The following ZFYVE9 variants were observed in gnomAD, a reference collection of about 807,000 sequenced individuals.
ZFYVE9 encodes the protein zinc finger FYVE domain-containing protein 9.
Under a neutral mutation model 126.7 loss-of-function variants are expected in ZFYVE9, and 43 were observed. That is an observed-to-expected ratio of 0.34 (90% CI 0.27 to 0.44). The LOEUF (loss-of-function observed/expected upper bound fraction) is 0.44, where lower values mean the gene tolerates loss of function less well. Among genes scored for constraint, ZFYVE9 ranks in the 20% least tolerant of loss-of-function variants. ZFYVE9 has a pLI of 1.00. For synonymous variants in ZFYVE9, 521 were observed against 597.4 expected (o/e 0.87, Z 1.87); for missense variants, 1,476 against 1,697.0 (o/e 0.87, Z 2.29).
chr1:52,147,586 T>C (rs1644316607), intron 1 of ZFYVE9, among the ~76,000 whole-genome samples: 1 of 152,250 alleles, frequency 6.6e-6, no homozygotes, highest in South Asian at 2.1e-4. Flanking sequence ...TGCTGAATAA[T>C]ATTCCATTGT....
At chr1:52,240,401 A>G (rs753455028) in intron 4 of ZFYVE9, among the ~76,000 whole-genome samples, 45 of 152,172 alleles carry the variant, frequency 3.0e-4, no homozygotes, top group African/African-American at 4.8e-5. Context: ...AAAGATTAAT[A>G]ACTTTTATTG....
chr1:52,261,910 TTAGTATGAAG>T (rs1262642147), intron 4 of ZFYVE9, among the ~76,000 whole-genome samples: 1 of 152,118 alleles, frequency 6.6e-6, no homozygotes, highest in African/African-American at 2.4e-5. Context: ...AATATGTAAT[TTAGTATGAAG>T]TAGTATTACA....
chr1:52,188,046 A>G lies in ZFYVE9; in HGVS notation c.-142-28323A>G, dbSNP rs1644780839. 2.0e-5 allele frequency among the ~76,000 whole-genome samples: 3 copies of G among 152,362 alleles called. 1 individual carries two copies. The South Asian group carries it at 6.2e-4, about 32-fold the overall frequency. On this transcript the variant is annotated intron_variant, in intron 1 of 18. Coordinates refer to ENST00000287727, the MANE Select transcript of ZFYVE9 (RefSeq NM_004799.4). ...GCATGCATATGTTCATTGCAGCACT[A>G]TTCACAATAGCAAAGACATGGAATC...
chr1:52,256,658 A>G (rs1256324512), intron 4 of ZFYVE9, among the ~76,000 whole-genome samples: 2 of 150,230 alleles, frequency 1.3e-5, no homozygotes, highest in Non-Finnish European at 3.0e-5. Context: ...CCTTTCTGTA[A>G]TGGACACTTA....
At chr1:52,195,225 A>AT (rs1644849582) in intron 1 of ZFYVE9, among the ~76,000 whole-genome samples, 1 of 152,174 alleles carries the variant, frequency 6.6e-6, no homozygotes, top group East Asian at 1.9e-4. Flanking sequence ...TCATGGAAGC[A>AT]TTTTTTACAC....
intron 13 of ZFYVE9, among the ~76,000 whole-genome samples, chr1:52,309,759 A>G (rs1185953260): frequency 6.6e-6 from 1 of 152,184 alleles, no homozygotes; most frequent in African/African-American, 2.4e-5. Context: ...TGACTTAATG[A>G]AAGCAGGATT....
intron 11 of ZFYVE9, among the ~76,000 whole-genome samples, chr1:52,295,379 A>G (rs1645963445): frequency 6.7e-6 from 1 of 149,708 alleles, no homozygotes; most frequent in South Asian, 2.1e-4. Flanking sequence ...TTTGTTTTGG[A>G]GACAGGGTCT....
rs370893669 is a variant in ZFYVE9 at position 52,173,450 on chromosome 1, G to T, written c.-143+31047G>T. On this transcript the variant is annotated intron_variant, in intron 1 of 18. Coordinates refer to ENST00000287727, the MANE Select transcript of ZFYVE9 (RefSeq NM_004799.4). ...TGCATCAATGTTCATCAAGGATATTGGTCTCTAATTCTCTTTTTTGGTTGT... is the reference window on the plus strand; with the variant it reads ...TGCATCAATGTTCATCAAGGATATTTGTCTCTAATTCTCTTTTTTGGTTGT... Among the ~76,000 whole-genome samples, 266 of 152,244 alleles carry T rather than the reference G, an allele frequency of 1.7e-3. 5 individuals carry two copies. The South Asian group carries it at 0.031, about 18-fold the overall frequency.
At chr1:52,240,306 G>A (rs879077897) in intron 4 of ZFYVE9, among the ~76,000 whole-genome samples, 1 of 152,110 alleles carries the variant, frequency 6.6e-6, no homozygotes, top group Admixed American at 6.5e-5. Context: ...ATGGTGTCAG[G>A]TCTAGAATAA....
chr1:52,214,597 T>A (rs1645055519), intron 1 of ZFYVE9, among the ~76,000 whole-genome samples: 1 of 152,104 alleles, frequency 6.6e-6, no homozygotes, highest in Admixed American at 6.6e-5. Flanking sequence ...GGAATATAAT[T>A]CCAATAGAAA....
At chr1:52,345,026 A>G in intron 18 of ZFYVE9, 82 bp downstream of exon 18, 1 of 1,491,894 alleles carries the variant, frequency 6.7e-7, no homozygotes, top group Non-Finnish European at 9.3e-7. Flanking sequence ...GCATCACCCC[A>G]GAGAGCTTAA....
chr1:52,298,321 G>A (rs1216536387), intron 12 of ZFYVE9, among the ~76,000 whole-genome samples: 1 of 152,096 alleles, frequency 6.6e-6, no homozygotes, highest in Admixed American at 6.6e-5. Flanking sequence ...GTTGATTTTT[G>A]TATATGGGGA....
At chr1:52,270,980 C>T (rs1334848861) in intron 7 of ZFYVE9, among the ~76,000 whole-genome samples, 1 of 151,988 alleles carries the variant, frequency 6.6e-6, no homozygotes, top group Non-Finnish European at 1.5e-5. Flanking sequence ...GCCTGAACCC[C>T]GAGTTTGAGA....
chr1:52,173,582 A>G (rs1427299322), intron 1 of ZFYVE9, among the ~76,000 whole-genome samples: 3 of 152,184 alleles, frequency 2.0e-5, no homozygotes, highest in Non-Finnish European at 4.4e-5. Flanking sequence ...GAATGGTACC[A>G]GTTCCTCCTT....
intron 1 of ZFYVE9, among the ~76,000 whole-genome samples, chr1:52,196,496 G>T (rs1231466453): frequency 6.6e-6 from 1 of 152,052 alleles, no homozygotes; most frequent in East Asian, 1.9e-4. Context: ...AATTAGCCAG[G>T]TGTGGTGGTG....
chr1:52,271,999 C>T (rs1334918304), intron 7 of ZFYVE9, among the ~76,000 whole-genome samples: 1 of 152,072 alleles, frequency 6.6e-6, no homozygotes, highest in African/African-American at 2.4e-5. Context: ...ACCACCACAC[C>T]TGGCAAATTT....
chr1:52,155,234 CTTTTTTTTTTTT>C (rs202048189), intron 1 of ZFYVE9, among the ~76,000 whole-genome samples: 16 of 129,092 alleles, frequency 1.2e-4, no homozygotes, highest in Non-Finnish European at 9.9e-5. Flanking sequence ...TCTTTTTTTT[CTTTTTTTTTTTT>C]TTTTTTTGAG....
chr1:52,196,529 C>T (rs954056500), intron 1 of ZFYVE9, among the ~76,000 whole-genome samples: 5 of 151,770 alleles, frequency 3.3e-5, no homozygotes, highest in African/African-American at 9.7e-5. Context: ...CCCAGCTACT[C>T]GGGAGGCTGA....
At chr1:52,152,840 G>A (rs546014665) in intron 1 of ZFYVE9, among the ~76,000 whole-genome samples, 23 of 152,330 alleles carry the variant, frequency 1.5e-4, no homozygotes, top group African/African-American at 5.3e-4. Flanking sequence ...GTTCAGGTCC[G>A]CTGGGAAGCA....
Sources: gnomAD v4.1 joint callset for allele counts (sites outside exome capture counted in the v4.1 genomes callset) on GRCh38, gnomAD v4.1.1 for gene constraint, MANE v1.5 for transcripts, NCBI Gene and HGNC (gene_info 2026-07-23, HGNC 2026-07-21) for gene names.